The following SPOCK1 variants were observed in gnomAD, a reference collection of about 807,000 sequenced individuals.
The protein encoded by SPOCK1 is testican-1.
In SPOCK1, 23 loss-of-function variants were observed where a neutral mutation model predicts 55.3. The observed-to-expected ratio is 0.42, with a 90% confidence interval of 0.30 to 0.59. SPOCK1 has a LOEUF of 0.59. SPOCK1 is among the 20% of genes least tolerant of loss of function. The pLI, the probability that SPOCK1 is intolerant of heterozygous loss-of-function variation, is 0.22. For missense variants in SPOCK1, 499 were observed against 552.5 expected (o/e 0.90, Z 0.97); for synonymous variants, 226 against 221.0 (o/e 1.02, Z -0.20).
intron 4 of SPOCK1, among the ~76,000 whole-genome samples, chr5:137,129,220 T>C (rs917691880): frequency 1.2e-4 from 19 of 152,292 alleles, no homozygotes; most frequent in Non-Finnish European, 2.6e-4. Flanking sequence ...CTCATTTTCT[T>C]TTGGACACCG....
At chr5:137,025,476 CAG>C (rs1445961823) in intron 6 of SPOCK1, among the ~76,000 whole-genome samples, 1 of 152,172 alleles carries the variant, frequency 6.6e-6, no homozygotes, top group Non-Finnish European at 1.5e-5. Context: ...ATTTAATAGA[CAG>C]ATATTTCATG....
intron 3 of SPOCK1, among the ~76,000 whole-genome samples, chr5:137,229,229 A>G (rs1241715223): frequency 6.6e-6 from 1 of 152,200 alleles, no homozygotes; most frequent in African/African-American, 2.4e-5. Flanking sequence ...TAAAGGGGAG[A>G]AAAAAAGAAA....
chr5:137,398,313 A>G (rs549943492), intron 2 of SPOCK1, among the ~76,000 whole-genome samples: 1 of 152,194 alleles, frequency 6.6e-6, no homozygotes, highest in East Asian at 1.9e-4. Context: ...ATAAAGCGGC[A>G]TGAGGCAGAG....
chr5:137,289,737 G>T (rs1333551162), intron 2 of SPOCK1, among the ~76,000 whole-genome samples: 1 of 152,090 alleles, frequency 6.6e-6, no homozygotes, highest in African/African-American at 2.4e-5. Context: ...AGAGTGAAAA[G>T]CCAAGCCACA....
chr5:137,471,152 C>T (rs1287416681), intron 2 of SPOCK1, among the ~76,000 whole-genome samples: 2 of 152,292 alleles, frequency 1.3e-5, no homozygotes, highest in East Asian at 1.9e-4. Context: ...TCCAACTCTC[C>T]AATCCAAGCT....
chr5:137,373,352 A>G (rs530370645), intron 2 of SPOCK1, among the ~76,000 whole-genome samples: 100 of 152,354 alleles, frequency 6.6e-4, no homozygotes, highest in Middle Eastern at 3.4e-3. Context: ...GAGTTTAAAA[A>G]GAAGATGAAA....
chr5:137,077,793 C>T (rs1752800575), intron 5 of SPOCK1, among the ~76,000 whole-genome samples: 2 of 152,186 alleles, frequency 1.3e-5, no homozygotes, highest in African/African-American at 4.8e-5. Context: ...GAACTTGACT[C>T]CCACCTGATG....
At chr5:137,321,014 G>A (rs1183128243) in intron 2 of SPOCK1, among the ~76,000 whole-genome samples, 2 of 152,160 alleles carry the variant, frequency 1.3e-5, no homozygotes, top group African/African-American at 4.8e-5. Flanking sequence ...ATAAACAAAT[G>A]AGAGTGTCTG....
intron 6 of SPOCK1, among the ~76,000 whole-genome samples, chr5:137,054,225 G>A (rs1752261549): frequency 6.6e-6 from 1 of 152,140 alleles, no homozygotes; most frequent in African/African-American, 2.4e-5. Flanking sequence ...TGAGAAAACT[G>A]AGACTCAGAG....
intron 3 of SPOCK1, among the ~76,000 whole-genome samples, chr5:137,253,295 T>C (rs1756571860): frequency 6.6e-6 from 1 of 152,218 alleles, no homozygotes. Flanking sequence ...GAACACCCAG[T>C]AATTCTGCCA....
chr5:137,398,973 G>A (rs1245930371), intron 2 of SPOCK1, among the ~76,000 whole-genome samples: 1 of 152,194 alleles, frequency 6.6e-6, no homozygotes, highest in Non-Finnish European at 1.5e-5. Flanking sequence ...ACTGAAGAGG[G>A]CCAAATGAAT....
intron 3 of SPOCK1, among the ~76,000 whole-genome samples, chr5:137,216,744 T>C (rs145214380): frequency 6.6e-6 from 1 of 151,998 alleles, no homozygotes; most frequent in Admixed American, 6.6e-5. Flanking sequence ...GTTAGTAAAA[T>C]AAGCAAGTAT....
intron 5 of SPOCK1, among the ~76,000 whole-genome samples, chr5:137,075,573 T>C (rs968061188): frequency 1.3e-5 from 2 of 152,252 alleles, no homozygotes; most frequent in African/African-American, 4.8e-5. Flanking sequence ...GTCAGTGATT[T>C]AGCACACCCT....
rs371467166 is a variant in SPOCK1 at position 137,005,085 on chromosome 5, G to C, written c.590-12485C>G. ...GGGTCTGGCAAGAAAATTAGAGACAGAGTGAGCACAGCTGATAAGAGAAAC... is the reference window on the plus strand; with the variant it reads ...GGGTCTGGCAAGAAAATTAGAGACACAGTGAGCACAGCTGATAAGAGAAAC... On this transcript the variant is annotated intron_variant, in intron 6 of 10. Transcript: ENST00000394945. Among the ~76,000 whole-genome samples, 7 of 152,322 alleles carry C rather than the reference G, an allele frequency of 4.6e-5. No individual in the cohort carries two copies. In the South Asian group the frequency reaches 8.3e-4, roughly 18 times the overall value.
chr5:136,980,181 CAAAAA>C (rs11288318), intron 9 of SPOCK1, among the ~76,000 whole-genome samples: 7 of 134,460 alleles, frequency 5.2e-5, no homozygotes, highest in Non-Finnish European at 6.4e-5. Flanking sequence ...TGTTTGCAGG[CAAAAA>C]AAAAAAAAAA....
chr5:137,414,215 T>C (rs1284097919), intron 2 of SPOCK1, among the ~76,000 whole-genome samples: 1 of 152,212 alleles, frequency 6.6e-6, no homozygotes, highest in Non-Finnish European at 1.5e-5. Flanking sequence ...CTACAGTGTC[T>C]GCAATCACAA....
At chr5:137,034,151 T>G (rs1257710042) in intron 6 of SPOCK1, among the ~76,000 whole-genome samples, 1 of 152,224 alleles carries the variant, frequency 6.6e-6, no homozygotes, top group Non-Finnish European at 1.5e-5. Flanking sequence ...TCTCCTGCCC[T>G]GGAGGACAGG....
intron 2 of SPOCK1, among the ~76,000 whole-genome samples, chr5:137,354,824 T>C (rs892588952): frequency 1.3e-5 from 2 of 152,214 alleles, no homozygotes; most frequent in Admixed American, 1.3e-4. Context: ...GAGTGAATAT[T>C]TCATTAATTG....
At chr5:137,352,368 G>T (rs574505550) in intron 2 of SPOCK1, among the ~76,000 whole-genome samples, 2 of 152,282 alleles carry the variant, frequency 1.3e-5, no homozygotes, top group Non-Finnish European at 2.9e-5. Flanking sequence ...CTATTGTGGG[G>T]GCAGAAAAAC....
Sources: allele counts gnomAD v4.1 joint callset (sites outside exome capture counted in the v4.1 genomes callset), GRCh38; gene constraint gnomAD v4.1.1; transcripts MANE v1.5; gene names NCBI Gene and HGNC (gene_info 2026-07-23, HGNC 2026-07-21).